PALLD: variants seen among roughly 807,000 people sequenced by gnomAD.
The protein encoded by PALLD is palladin, cytoskeletal associated protein, also known as palladin.
Under a neutral mutation model 123.5 loss-of-function variants are expected in PALLD, and 61 were observed. The observed-to-expected ratio is 0.49, with a 90% confidence interval of 0.40 to 0.61. The LOEUF is 0.61. Ranked by LOEUF, PALLD falls within the 20% of genes least tolerant of loss-of-function variation. PALLD has a pLI of 0.00. For synonymous variants in PALLD, 465 were observed against 496.4 expected (o/e 0.94, Z 0.84); for missense variants, 1,273 against 1,377.0 (o/e 0.92, Z 1.20).
At chr4:168,825,176 A>G (rs1743257131) in intron 10 of PALLD, among the ~76,000 whole-genome samples, 1 of 152,214 alleles carries the variant, frequency 6.6e-6, no homozygotes, top group South Asian at 2.1e-4. Context: ...CTTATGGTCT[A>G]TATTCAGAGA....
intron 10 of PALLD, among the ~76,000 whole-genome samples, chr4:168,727,677 T>C (rs1187970175): frequency 6.6e-6 from 1 of 152,232 alleles, no homozygotes; most frequent in African/African-American, 2.4e-5. Context: ...ACACTGTTGA[T>C]AGTTTCTTTT....
intron 10 of PALLD, among the ~76,000 whole-genome samples, chr4:168,838,870 A>C (rs777649116): frequency 6.6e-6 from 1 of 151,970 alleles, no homozygotes; most frequent in African/African-American, 2.4e-5. Context: ...CTAGTTCCCA[A>C]AACAGTACTT....
intron 2 of PALLD, among the ~76,000 whole-genome samples, chr4:168,587,967 A>G (rs991202395): frequency 2.6e-5 from 4 of 152,014 alleles, no homozygotes; most frequent in Non-Finnish European, 5.9e-5. Flanking sequence ...ACAAGAAGGG[A>G]GTCTCCTGGT....
At chr4:168,663,875 T>G (rs1048776935) in intron 2 of PALLD, among the ~76,000 whole-genome samples, 1 of 152,246 alleles carries the variant, frequency 6.6e-6, no homozygotes, top group Non-Finnish European at 1.5e-5. Context: ...AATTTTTAAC[T>G]TTTAAAATTG....
At chr4:168,797,862 C>T (rs1413938131) in intron 10 of PALLD, among the ~76,000 whole-genome samples, 1 of 150,994 alleles carries the variant, frequency 6.6e-6, no homozygotes, top group Admixed American at 6.6e-5. Context: ...CTCGCTTGCT[C>T]GTTACAAAGC....
rs1213360122 is a variant in PALLD at position 168,541,715 on chromosome 4, A to C, written c.908+29303A>C. ...TGATCCGCCCACCTTAGCCTCCCAA[A>C]GTGCTGGAATTACAAGCATGAGTCA... On this transcript the variant is annotated intron_variant, in intron 2 of 21. Transcript: ENST00000505667. Among the ~76,000 whole-genome samples the C allele has an allele frequency of 2.0e-5, 3 of 152,154 alleles. No homozygotes were observed. The East Asian group carries it at 5.8e-4, about 29-fold the overall frequency.
Position 168,927,465 on chromosome 4 carries a change from G to A in PALLD, c.*1285G>A, listed in dbSNP as rs776986660. The A allele has an allele frequency of 2.1e-5, 5 of 232,672 alleles. No individual in the cohort carries two copies. Among genetic ancestry groups the A allele is most frequent in the Middle Eastern group, 1.2e-3 (1 of 804 alleles). 14.4% of individuals were successfully genotyped at this position (232,672 alleles called of 1,614,324 possible). On this transcript the variant is annotated 3_prime_UTR_variant, in exon 22 of 22. Coordinates refer to ENST00000505667, the MANE Select transcript of PALLD (RefSeq NM_001166108.2). ...TTTGTGTAGTAGTGGAAGATTTTAGGTATGTAGAGCAAGTTGAAAATGGAT... is the reference window on the plus strand; with the variant it reads ...TTTGTGTAGTAGTGGAAGATTTTAGATATGTAGAGCAAGTTGAAAATGGAT...
intron 10 of PALLD, among the ~76,000 whole-genome samples, chr4:168,766,840 T>C (rs1055315669): frequency 6.6e-6 from 1 of 152,216 alleles, no homozygotes; most frequent in Admixed American, 6.5e-5. Context: ...ACTGGCCTCC[T>C]GTAACTGCCA....
chr4:168,796,185 C>G (rs973879923), intron 10 of PALLD, among the ~76,000 whole-genome samples: 8 of 152,148 alleles, frequency 5.3e-5, no homozygotes, highest in Non-Finnish European at 8.8e-5. Context: ...ACCCTCACCT[C>G]CCACCTTGCC....
At position 168,710,924 on chromosome 4, in the gene PALLD, C is replaced by T. The variant is rs112218730; in HGVS notation, c.1622-657C>T. On this transcript the variant is annotated intron_variant, in intron 9 of 21. Coordinates refer to ENST00000505667, the MANE Select transcript of PALLD (RefSeq NM_001166108.2). ...ATTTTATTTCTGAGCTTTTTGTTTA[C>T]CTCAATAAGCATTTTTGAGTGCATG... Among the ~76,000 whole-genome samples the T allele has an allele frequency of 7.2e-3, 1,101 of 152,188 alleles. 12 individuals carry two copies. The highest frequency in any genetic ancestry group is 0.025 in the African/African-American group (1,042 of 41,514).
chr4:168,751,548 C>G (rs139776569), intron 10 of PALLD, among the ~76,000 whole-genome samples: 2 of 152,090 alleles, frequency 1.3e-5, no homozygotes, highest in Admixed American at 6.6e-5. Context: ...AACTTAATGT[C>G]GCTAAATCTC....
chr4:168,579,261 G>C (rs1769976529), intron 2 of PALLD, among the ~76,000 whole-genome samples: 1 of 152,160 alleles, frequency 6.6e-6, no homozygotes, highest in Admixed American at 6.5e-5. Context: ...GTACCTTCAT[G>C]TAATTCGGGT....
At chr4:168,859,989 CACTT>C (rs575203133) in intron 10 of PALLD, among the ~76,000 whole-genome samples, 78 of 152,224 alleles carry the variant, frequency 5.1e-4, no homozygotes, top group Admixed American at 3.4e-3. Flanking sequence ...GTGTACTTGA[CACTT>C]ACAACACGTC....
intron 10 of PALLD, among the ~76,000 whole-genome samples, chr4:168,771,907 G>T (rs1050697604): frequency 2.0e-5 from 3 of 152,124 alleles, no homozygotes; most frequent in Non-Finnish European, 4.4e-5. Context: ...GAGAACCCCA[G>T]AAAGAGTATT....
chr4:168,702,952 C>A (rs1409960477), intron 8 of PALLD, among the ~76,000 whole-genome samples: 7 of 145,786 alleles, frequency 4.8e-5, no homozygotes, highest in Admixed American at 6.8e-5. Flanking sequence ...TACATGTGCA[C>A]ATTGTGCAGG....
chr4:168,600,067 G>GTA (rs1561291239), intron 2 of PALLD, among the ~76,000 whole-genome samples: 1 of 144,624 alleles, frequency 6.9e-6, no homozygotes, highest in Non-Finnish European at 1.5e-5. Flanking sequence ...ATACATACAT[G>GTA]TGTATACACA....
intron 2 of PALLD, among the ~76,000 whole-genome samples, chr4:168,604,873 T>G (rs1383629177): frequency 1.3e-5 from 2 of 152,226 alleles, no homozygotes; most frequent in South Asian, 4.1e-4. Context: ...CTGATAGAGT[T>G]TTCTGTAAAG....
Position 168,734,925 on chromosome 4 carries a change from TAGAG to T in PALLD, c.1964+23019_1964+23022del, listed in dbSNP as rs113680242. Reference sequence around the variant, plus strand: ...GGCCACAGAGCAAGACCCCATCTCTTAGAGAGAGAGAGAGAGAGAGGAGAAAGAG... The same window carrying T: ...GGCCACAGAGCAAGACCCCATCTCTTAGAGAGAGAGAGAGAGGAGAAAGAG... On this transcript the variant is annotated intron_variant, in intron 10 of 21. Transcript: ENST00000505667. 6.8e-5 allele frequency among the ~76,000 whole-genome samples: 10 copies of T among 147,410 alleles called. No homozygotes were observed. The South Asian group carries it at 1.5e-3, about 22-fold the overall frequency.
intron 10 of PALLD, among the ~76,000 whole-genome samples, chr4:168,809,123 C>T (rs746167061): frequency 8.5e-5 from 13 of 152,138 alleles, no homozygotes; most frequent in Admixed American, 2.6e-4. Flanking sequence ...ATTCACTTTA[C>T]AGGGAATGGT....
Sources: gnomAD v4.1 joint callset for allele counts (sites outside exome capture counted in the v4.1 genomes callset) on GRCh38, gnomAD v4.1.1 for gene constraint, MANE v1.5 for transcripts, NCBI Gene and HGNC (gene_info 2026-07-23, HGNC 2026-07-21) for gene names.